The following CCDC122 variants were observed in gnomAD, a reference collection of about 807,000 sequenced individuals.
CCDC122 encodes the protein coiled-coil domain containing 122.
Under a neutral mutation model 37.0 loss-of-function variants are expected in CCDC122, and 38 were observed. That is an observed-to-expected ratio of 1.03 (90% CI 0.79 to 1.35). The LOEUF (loss-of-function observed/expected upper bound fraction) is 1.35. CCDC122 is among the 40% of genes most tolerant of loss of function. The pLI, the probability that CCDC122 is intolerant of heterozygous loss-of-function variation, is 0.00. For missense variants in CCDC122, 305 were observed against 310.0 expected (o/e 0.98, Z 0.12); for synonymous variants, 83 against 95.6 (o/e 0.87, Z 0.77).
At chr13:43,857,765 T>C (rs1004275114) in intron 6 of CCDC122, among the ~76,000 whole-genome samples, 1 of 152,192 alleles carries the variant, frequency 6.6e-6, no homozygotes, top group East Asian at 1.9e-4. Context: ...TAGCTGGGCA[T>C]TGTGGTACGT....
intron 5 of CCDC122, among the ~76,000 whole-genome samples, chr13:43,859,426 A>G (rs1954031409): frequency 6.6e-6 from 1 of 152,058 alleles, no homozygotes; most frequent in African/African-American, 2.4e-5. Context: ...ATTTTATTTG[A>G]CCATGTAGTT....
chr13:43,875,964 A>G (rs1227858418), intron 1 of CCDC122, among the ~76,000 whole-genome samples: 1 of 152,206 alleles, frequency 6.6e-6, no homozygotes, highest in Non-Finnish European at 1.5e-5. Context: ...TCCTTATAAG[A>G]GAAAGGTAGA....
rs984755289 is a variant in CCDC122 at position 43,859,944 on chromosome 13, T to C, written c.283A>G (p.Thr95Ala). 1 of 1,611,426 alleles carries C rather than the reference T, an allele frequency of 6.2e-7. No homozygotes were observed. Among genetic ancestry groups the C allele is most frequent in the Non-Finnish European group, 8.5e-7 (1 of 1,178,854 alleles). The change falls in exon 5 of 7, where the codon ACT becomes GCT. Residue 95 changes from threonine (T) to alanine (A), a missense_variant. Transcript: ENST00000444614. ...NTKLHCDSLETQIKSLHSENV... is the reference protein window; with the variant it reads ...NTKLHCDSLEAQIKSLHSENV... ...TCTGAATGTAAGGATTTGATTTGAG[T>C]TTCCAGGCTATCACAATGAAGTTTG...
intron 3 of CCDC122, among the ~76,000 whole-genome samples, chr13:43,827,478 C>T (rs1431510939): frequency 6.6e-6 from 1 of 152,180 alleles, no homozygotes; most frequent in African/African-American, 2.4e-5. Flanking sequence ...CATAAGTTCT[C>T]TAAGTTGTAA....
At chr13:43,821,168 G>A (rs532052278), downstream of CCDC122, among the ~76,000 whole-genome samples, 6 of 152,166 alleles carry the variant, frequency 3.9e-5, no homozygotes, top group African/African-American at 7.2e-5. Flanking sequence ...AAATCTACTC[G>A]CTGCTCAATA....
chr13:43,827,964 G>A (rs9525850), intron 3 of CCDC122, among the ~76,000 whole-genome samples: 76,891 of 152,044 alleles, frequency 0.51, 20,719 homozygotes, highest in Non-Finnish European at 0.62. Flanking sequence ...TTAGAGAAGA[G>A]TTAGAATTTT....
At chr13:43,828,186 CAG>C (rs1437114253) in intron 3 of CCDC122, among the ~76,000 whole-genome samples, 4 of 152,046 alleles carry the variant, frequency 2.6e-5, no homozygotes, top group Non-Finnish European at 4.4e-5. Flanking sequence ...ATGGTACTGA[CAG>C]TGAAGATTAG....
In CCDC122 at chr13:43,859,810, C is replaced by G; in HGVS notation, c.417G>C (p.Leu139Phe). 6 of 1,609,616 alleles carry G rather than the reference C, an allele frequency of 3.7e-6. No homozygotes were observed. The highest frequency in any genetic ancestry group is 5.1e-6 in the Non-Finnish European group (6 of 1,178,498). Residue 139 changes from leucine to phenylalanine, a missense_variant, in exon 5 of 7, where the codon TTG (leucine) becomes TTC (phenylalanine). Physicochemically the swap from Leu to Phe is conservative, Grantham distance 22 (BLOSUM62 0). Transcript: ENST00000444614. Reference protein sequence around the residue: ...YAKIKAHKNSLGEVESKWSFM... With the variant: ...YAKIKAHKNSFGEVESKWSFM... ...ATGACCATTTGCTCTCTACTTCCCC[C>G]AAACTATTTTTATGTGCTTTTATTT...
At chr13:43,862,244 A>G (rs533788007) in intron 4 of CCDC122, among the ~76,000 whole-genome samples, 59 of 152,220 alleles carry the variant, frequency 3.9e-4, no homozygotes, top group Admixed American at 9.2e-4. Flanking sequence ...CTTCTCATCT[A>G]CTACTCTCCC....
intron 1 of CCDC122, 124 bp downstream of exon 1, chr13:43,879,507 C>A (rs1954812179): frequency 6.6e-6 from 1 of 152,320 alleles, no homozygotes; most frequent in African/African-American, 2.4e-5. Flanking sequence ...CTCCGCGGAC[C>A]GCCCAGACCC....
intron 4 of CCDC122, among the ~76,000 whole-genome samples, chr13:43,867,246 G>T (rs1016546703): frequency 1.3e-5 from 2 of 151,994 alleles, no homozygotes; most frequent in African/African-American, 4.8e-5. Flanking sequence ...TTAGAATAAA[G>T]TTGAAGTTTC....
chr13:43,844,588 G>C (rs1953456514), intron 6 of CCDC122, among the ~76,000 whole-genome samples: 1 of 151,940 alleles, frequency 6.6e-6, no homozygotes, highest in African/African-American at 2.4e-5. Flanking sequence ...AAAAAGTTAA[G>C]ATATCTGATA....
intron 3 of CCDC122, among the ~76,000 whole-genome samples, chr13:43,827,286 T>C (rs554952086): frequency 6.6e-6 from 1 of 152,338 alleles, no homozygotes; most frequent in African/African-American, 2.4e-5. Flanking sequence ...TGGTGTAAAA[T>C]TATACAAGTA....
intron 2 of CCDC122, among the ~76,000 whole-genome samples, chr13:43,872,671 T>C (rs1362423177): frequency 6.6e-6 from 1 of 152,168 alleles, no homozygotes; most frequent in Non-Finnish European, 1.5e-5. Context: ...CTTGCTCCTA[T>C]CTAAGGCCAA....
At chr13:43,848,483 T>C (rs1423317477) in intron 6 of CCDC122, among the ~76,000 whole-genome samples, 1 of 152,222 alleles carries the variant, frequency 6.6e-6, no homozygotes, top group Non-Finnish European at 1.5e-5. Flanking sequence ...ATTTGAAGCT[T>C]TGTGTTTGCC....
At chr13:43,856,943 AAT>A (rs71671669) in intron 6 of CCDC122, among the ~76,000 whole-genome samples, 56,919 of 151,820 alleles carry the variant, frequency 0.37, 10,904 homozygotes, top group East Asian at 0.53. Context: ...ACCTCAATAA[AAT>A]ATGTTACTGT....
downstream of CCDC122, among the ~76,000 whole-genome samples, chr13:43,820,777 C>G (rs1952987535): frequency 6.6e-6 from 1 of 152,192 alleles, no homozygotes; most frequent in Non-Finnish European, 1.5e-5. Flanking sequence ...ATCAGTTTCT[C>G]ATCTCTAAAA....
intron 1 of CCDC122, chr13:43,879,151 G>C (rs1190360191): frequency 6.6e-6 from 1 of 152,154 alleles, no homozygotes; most frequent in Non-Finnish European, 1.5e-5. Flanking sequence ...GGAGACTGCG[G>C]TTTAGTCCCG....
chr13:43,856,368 C>G (rs762592071), intron 6 of CCDC122: 1 of 152,368 alleles, frequency 6.6e-6, no homozygotes, highest in African/African-American at 2.4e-5. Flanking sequence ...CGGTGGCTCA[C>G]GCCTGTAATC....
Sources: allele counts gnomAD v4.1 joint callset (sites outside exome capture counted in the v4.1 genomes callset), GRCh38; gene constraint gnomAD v4.1.1; transcripts MANE v1.5; gene names NCBI Gene and HGNC (gene_info 2026-07-23, HGNC 2026-07-21).